The following PBX3 variants were observed in gnomAD, a reference collection of about 807,000 sequenced individuals.
PBX3 encodes pre-B-cell leukemia transcription factor 3.
Under a neutral mutation model 48.5 loss-of-function variants are expected in PBX3, and 14 were observed. That is an observed-to-expected ratio of 0.29 (90% CI 0.19 to 0.45). The LOEUF (loss-of-function observed/expected upper bound fraction) is 0.45. PBX3 is among the 20% of genes least tolerant of loss of function. The pLI, the probability that PBX3 is intolerant of heterozygous loss-of-function variation, is 1.00. For synonymous variants in PBX3, 210 were observed against 200.3 expected, an observed-to-expected ratio of 1.05 and a Z score of -0.41; for missense variants, 386 against 546.7, an observed-to-expected ratio of 0.71 and a Z score of 2.93.
At position 125,938,349 on chromosome 9, in the gene PBX3, A is replaced by G. The variant is rs374411658; in HGVS notation, c.843+2742A>G. 1.1e-4 allele frequency among the ~76,000 whole-genome samples: 16 copies of G among 152,342 alleles called. No individual in the cohort carries two copies. In the South Asian group the frequency reaches 2.9e-3, roughly 28 times the overall value. On this transcript the variant is annotated intron_variant, in intron 5 of 8. Coordinates refer to ENST00000373489, the MANE Select transcript of PBX3 (RefSeq NM_006195.6). Reference sequence around the variant, plus strand: ...AGACTGAAAACATCAACATGATACAACTATTCAGTAAAGATGGGATCAGAT... The same window carrying G: ...AGACTGAAAACATCAACATGATACAGCTATTCAGTAAAGATGGGATCAGAT...
At chr9:125,888,983 A>ATGCTT (rs758740740) in intron 2 of PBX3, among the ~76,000 whole-genome samples, 4 of 152,178 alleles carry the variant, frequency 2.6e-5, no homozygotes, top group Non-Finnish European at 5.9e-5. Flanking sequence ...GGTGTAAAAT[A>ATGCTT]TGCTTTGGGA....
chr9:125,791,301 GTCTA>G (rs61202902), intron 2 of PBX3, among the ~76,000 whole-genome samples: 1,120 of 108,994 alleles, frequency 0.01, 11 homozygotes, highest in African/African-American at 0.018. Flanking sequence ...CTGTCTGTCT[GTCTA>G]TCTATCTATC....
intron 4 of PBX3, among the ~76,000 whole-genome samples, chr9:125,931,864 T>G (rs1263408104): frequency 6.6e-6 from 1 of 152,210 alleles, no homozygotes; most frequent in Non-Finnish European, 1.5e-5. Flanking sequence ...TAGATAGATT[T>G]TTATTTAAAC....
chr9:125,829,582 T>C (rs1838900861), intron 2 of PBX3, among the ~76,000 whole-genome samples: 1 of 152,204 alleles, frequency 6.6e-6, no homozygotes, highest in African/African-American at 2.4e-5. Context: ...AGGAGATGAG[T>C]ATGTGCTTCA....
At chr9:125,747,699 GGGCCCGCGGCCGAGTCGA>G in intron 1 of PBX3, 46 bp downstream of exon 1, 1 of 1,440,346 alleles carries the variant, frequency 6.9e-7, no homozygotes, top group Admixed American at 2.3e-5. Context: ...TGCGGGAGCC[GGGCCCGCGGCCGAGTCGA>G]GGCCCGGGGT....
chr9:125,956,834 C>T (rs1842320480), intron 5 of PBX3, among the ~76,000 whole-genome samples: 4 of 152,198 alleles, frequency 2.6e-5, no homozygotes, highest in Non-Finnish European at 5.9e-5. Flanking sequence ...TCTGGGACCA[C>T]TGTACAGACC....
chr9:125,900,374 T>C (rs1840915342), intron 2 of PBX3, among the ~76,000 whole-genome samples: 1 of 151,652 alleles, frequency 6.6e-6, no homozygotes, highest in Non-Finnish European at 1.5e-5. Flanking sequence ...CCTGTGGGTA[T>C]TTAATAAGGA....
At position 125,792,831 on chromosome 9, in the gene PBX3, TGGG is replaced by T. The variant is rs368494567; in HGVS notation, c.274+44209_274+44211del. On this transcript the variant is annotated intron_variant, in intron 2 of 8. Coordinates refer to ENST00000373489, the MANE Select transcript of PBX3 (RefSeq NM_006195.6). The stretch of plus-strand genomic sequence containing the variant: ...CTCCTGCCTCAGCCTCCCGAGTAGC[TGGG>T]ACTACAGGCGTGTGCCACCACGCCC... Among the ~76,000 whole-genome samples the T allele has an allele frequency of 5.4e-3, 816 of 151,720 alleles. 3 individuals are homozygous for T. The highest frequency in any genetic ancestry group is 6.9e-3 in the Non-Finnish European group (467 of 67,944).
chr9:125,897,112 A>C (rs1318711701), intron 2 of PBX3, among the ~76,000 whole-genome samples: 2 of 138,208 alleles, frequency 1.4e-5, no homozygotes, highest in East Asian at 4.2e-4. Context: ...TGTCAAAGCC[A>C]TTTCATGTGG....
chr9:125,749,493 C>T (rs1033713316), intron 2 of PBX3: 7 of 151,356 alleles, frequency 4.6e-5, no homozygotes, highest in African/African-American at 1.7e-4. Flanking sequence ...GCATTATCTT[C>T]CCTGTATGTG....
At chr9:125,784,136 T>C (rs1837398478) in intron 2 of PBX3, among the ~76,000 whole-genome samples, 1 of 152,206 alleles carries the variant, frequency 6.6e-6, no homozygotes, top group South Asian at 2.1e-4. Flanking sequence ...GGTTTTATTT[T>C]ATTTTATTTT....
intron 2 of PBX3, among the ~76,000 whole-genome samples, chr9:125,780,543 G>A (rs1310750054): frequency 3.4e-5 from 5 of 145,010 alleles, no homozygotes; most frequent in African/African-American, 1.3e-4. Flanking sequence ...TCCTGGACGG[G>A]GTGGCTGGCG....
intron 2 of PBX3, among the ~76,000 whole-genome samples, chr9:125,899,095 A>G (rs2132412146): frequency 6.6e-6 from 1 of 150,890 alleles, no homozygotes; most frequent in Admixed American, 6.6e-5. Flanking sequence ...CTTCTAAGGA[A>G]GCTAAATTGT....
intron 2 of PBX3, among the ~76,000 whole-genome samples, chr9:125,906,351 C>G (rs1390569919): frequency 6.6e-6 from 1 of 151,986 alleles, no homozygotes; most frequent in African/African-American, 2.4e-5. Context: ...GCCTGTGCAT[C>G]AGGGTAATTT....
At chr9:125,796,830 A>G (rs1355840695) in intron 2 of PBX3, among the ~76,000 whole-genome samples, 1 of 152,126 alleles carries the variant, frequency 6.6e-6, no homozygotes, top group African/African-American at 2.4e-5. Flanking sequence ...ATAGTTAATG[A>G]GAGTGTCATA....
chr9:125,748,292 T>TTCGCG lies in PBX3; in HGVS notation c.201-250_201-246dup, dbSNP rs1370907721. On this transcript the variant is annotated intron_variant, in intron 1 of 8. Coordinates refer to ENST00000373489, the MANE Select transcript of PBX3 (RefSeq NM_006195.6). ...CCCGGGGCGAGGCTCCCCGCGCGGG[T>TTCGCG]TCGCGTCGCGTCTGCAGTGGCCGAG... is the stretch of plus-strand genomic sequence containing the variant. 3 of 1,087,580 alleles carry TTCGCG rather than the reference T, an allele frequency of 2.8e-6. No homozygotes were observed. The East Asian group carries it at 1.9e-4, about 69-fold the overall frequency. The allele number at this position is 1,087,580 out of a possible 1,614,324, so 67.4% of individuals were successfully genotyped here. A position where few individuals can be genotyped will look rare whatever the true frequency, so the allele number is the denominator to read the frequency against.
rs201520725 is a variant in PBX3, at chr9:125,809,917, A to C, written c.274+61294A>C. ...GAAAATTGAATGGTTATTTTACCAAACATGAAGTCTAAATAATACAGTAAG... is the reference window on the plus strand; with the variant it reads ...GAAAATTGAATGGTTATTTTACCAACCATGAAGTCTAAATAATACAGTAAG... On this transcript the variant is annotated intron_variant, in intron 2 of 8. Coordinates refer to ENST00000373489, the MANE Select transcript of PBX3 (RefSeq NM_006195.6). Among the ~76,000 whole-genome samples, 9 of 152,354 alleles carry C rather than the reference A, an allele frequency of 5.9e-5. No homozygotes were observed. The East Asian group carries it at 1.7e-3, about 29-fold the overall frequency.
At chr9:125,903,234 C>A (rs1840992042) in intron 2 of PBX3, among the ~76,000 whole-genome samples, 1 of 151,754 alleles carries the variant, frequency 6.6e-6, no homozygotes, top group East Asian at 1.9e-4. Flanking sequence ...CTAGTTGATA[C>A]TAAACTAATC....
chr9:125,793,366 A>AAAAAAATATATAT (rs59271982), intron 2 of PBX3, among the ~76,000 whole-genome samples: 1 of 101,976 alleles, frequency 9.8e-6, no homozygotes, highest in African/African-American at 4.2e-5. Context: ...GGAAAAAAAA[A>AAAAAAATATATAT]ATATATATAT....
Sources: allele counts gnomAD v4.1 joint callset (sites outside exome capture counted in the v4.1 genomes callset), GRCh38; gene constraint gnomAD v4.1.1; transcripts MANE v1.5; gene names NCBI Gene and HGNC (gene_info 2026-07-23, HGNC 2026-07-21).